The following SYNE3 variants were observed in gnomAD, a reference collection of about 807,000 sequenced individuals.
SYNE3 encodes nesprin-3.
Under a neutral mutation model 111.2 loss-of-function variants are expected in SYNE3, and 100 were observed. The ratio of observed to expected loss-of-function variants is 0.90; its 90% CI spans 0.77 to 1.06. The LOEUF (loss-of-function observed/expected upper bound fraction) is 1.06, where lower values mean the gene tolerates loss of function less well. Among genes scored for constraint, SYNE3 ranks in the 50% least tolerant of loss-of-function variants. SYNE3 has a pLI of 0.00. For missense variants in SYNE3, 1,160 were observed against 1,240.3 expected (o/e 0.94, Z 0.97); for synonymous variants, 547 against 533.9 (o/e 1.02, Z -0.34).
intron 9 of SYNE3, 137 bp downstream of exon 9, chr14:95,445,772 G>T: frequency 1.1e-6 from 1 of 914,370 alleles, no homozygotes; most frequent in Non-Finnish European, 1.7e-6. Context: ...GATGGTCAGG[G>T]ACAAAGGGAT....
chr14:95,450,905 G>T (rs764912427), intron 7 of SYNE3: 1 of 152,030 alleles, frequency 6.6e-6, no homozygotes, highest in African/African-American at 2.4e-5. Context: ...TTCCAGTAAC[G>T]GAAAAATAAT....
chr14:95,461,200 C>T (rs1193295399), intron 4 of SYNE3, among the ~76,000 whole-genome samples: 1 of 152,204 alleles, frequency 6.6e-6, no homozygotes, highest in East Asian at 1.9e-4. Flanking sequence ...GGATTTATGC[C>T]TCTGCAAAGG....
intron 7 of SYNE3, chr14:95,451,522 C>T (rs1887076702): frequency 6.6e-6 from 1 of 152,278 alleles, no homozygotes. Context: ...AGCCCGACCC[C>T]TACCTTAGCA....
intron 17 of SYNE3, among the ~76,000 whole-genome samples, chr14:95,422,741 G>T (rs1020933265): frequency 3.3e-5 from 5 of 152,212 alleles, no homozygotes; most frequent in Admixed American, 1.3e-4. Context: ...GGCATGGAGG[G>T]TGCGCCCGCC....
At chr14:95,452,450 G>A (rs1245245574) in intron 6 of SYNE3, 67 bp from the exon 7 acceptor site, 10 of 1,482,926 alleles carry the variant, frequency 6.7e-6, no homozygotes, top group African/African-American at 5.5e-5. Flanking sequence ...GTGTGTGCAG[G>A]AGGGTGAGCG....
At chr14:95,465,394 G>A (rs904082244) in intron 4 of SYNE3, among the ~76,000 whole-genome samples, 43 of 152,170 alleles carry the variant, frequency 2.8e-4, no homozygotes, top group Non-Finnish European at 5.3e-4. Context: ...TGGGTAGCTA[G>A]GTGGGTGGAT....
At chr14:95,444,775 G>T (rs1886616088) in intron 9 of SYNE3, 147 bp from the exon 10 acceptor site, 3 of 1,025,498 alleles carry the variant, frequency 2.9e-6, no homozygotes, top group South Asian at 1.9e-5. Context: ...CCTTCCCTGA[G>T]CCCTGATGGA....
In SYNE3 at chr14:95,409,099, C is replaced by T. The variant is rs750041723; in HGVS notation, c.*8727G>A. ...ACCAGCTGCCAGAGTGGCAGCAGCC[C>T]GCGGCCTGCAAAGGAAAGGAAAGCA... On this transcript the variant is annotated 3_prime_UTR_variant, in exon 18 of 18. Transcript: ENST00000682763. The T allele has an allele frequency of 6.4e-5, 29 of 451,628 alleles. No homozygotes were observed. The highest frequency in any genetic ancestry group is 9.3e-5 in the South Asian group (6 of 64,360). 28.0% of individuals were successfully genotyped at this position (451,628 alleles called of 1,614,324 possible). A position where few individuals can be genotyped will look rare whatever the true frequency, so the allele number is the denominator to read the frequency against.
chr14:95,408,895 G>A lies in SYNE3; in HGVS notation c.*8931C>T, dbSNP rs1460474827. On this transcript the variant is annotated 3_prime_UTR_variant, in exon 18 of 18. Transcript: ENST00000682763. ...TGCCCCCGCAAGGGCTGGCCTGTCC[G>A]TGCTTTTCCAGTGGGAAGGTAGACA... The A allele has an allele frequency of 2.6e-5, 9 of 347,726 alleles. No individual in the cohort carries two copies. Among genetic ancestry groups the A allele is most frequent in the African/African-American group, 1.1e-4 (5 of 46,574 alleles). 21.5% of individuals were successfully genotyped at this position (347,726 alleles called of 1,614,324 possible).
chr14:95,509,869 A>T (rs1031303433), intron 1 of SYNE3, among the ~76,000 whole-genome samples: 9 of 152,236 alleles, frequency 5.9e-5, no homozygotes, highest in Admixed American at 5.9e-4. Context: ...CACCATGAAT[A>T]TCAGTGAAAC....
chr14:95,456,364 G>A (rs996507028), intron 5 of SYNE3, among the ~76,000 whole-genome samples: 2 of 152,198 alleles, frequency 1.3e-5, no homozygotes, highest in African/African-American at 4.8e-5. Context: ...GGGAGCCCAC[G>A]TCTCCCGATG....
At chr14:95,423,087 A>T (rs1325481313) in intron 17 of SYNE3, among the ~76,000 whole-genome samples, 7 of 152,216 alleles carry the variant, frequency 4.6e-5, no homozygotes, top group Non-Finnish European at 8.8e-5. Flanking sequence ...GTGGCTGGGC[A>T]GGGGGCTGGG....
At chr14:95,463,458 C>G (rs1374455558) in intron 4 of SYNE3, among the ~76,000 whole-genome samples, 1 of 152,192 alleles carries the variant, frequency 6.6e-6, no homozygotes, top group Non-Finnish European at 1.5e-5. Flanking sequence ...GCACACACAC[C>G]AACAACTTTT....
At chr14:95,472,081 G>A (rs1455728136) in intron 2 of SYNE3, among the ~76,000 whole-genome samples, 1 of 152,252 alleles carries the variant, frequency 6.6e-6, no homozygotes, top group Non-Finnish European at 1.5e-5. Context: ...GGAGGGATGG[G>A]AGAAATCCAG....
chr14:95,499,681 C>T (rs1053242751), intron 1 of SYNE3, among the ~76,000 whole-genome samples: 1 of 152,010 alleles, frequency 6.6e-6, no homozygotes, highest in Non-Finnish European at 1.5e-5. Context: ...AGGTTAGATT[C>T]AAAGTGGCTA....
intron 2 of SYNE3, among the ~76,000 whole-genome samples, chr14:95,468,212 C>T (rs1164172763): frequency 6.6e-6 from 1 of 152,206 alleles, no homozygotes; most frequent in East Asian, 1.9e-4. Context: ...CTCTCCTTCC[C>T]CACTCGGCCC....
intron 6 of SYNE3, 102 bp from the exon 7 acceptor site, chr14:95,452,485 A>G (rs2139429639): frequency 7.2e-7 from 1 of 1,387,054 alleles, no homozygotes; most frequent in African/African-American, 1.4e-5. Context: ...GGGCTAGGCT[A>G]GGAAGAAACT....
chr14:95,454,427 C>G (rs1453659295), intron 6 of SYNE3, among the ~76,000 whole-genome samples: 2 of 152,262 alleles, frequency 1.3e-5, no homozygotes, highest in African/African-American at 4.8e-5. Flanking sequence ...CCGAAAGCCA[C>G]TCAGTTAGCA....
At chr14:95,476,426 C>T (rs1171973709) in intron 1 of SYNE3, among the ~76,000 whole-genome samples, 1 of 152,238 alleles carries the variant, frequency 6.6e-6, no homozygotes, top group Admixed American at 6.5e-5. Context: ...CTGACCTCTG[C>T]GCAGCACTCC....
Sources: allele counts gnomAD v4.1 joint callset (sites outside exome capture counted in the v4.1 genomes callset), GRCh38; gene constraint gnomAD v4.1.1; transcripts MANE v1.5; gene names NCBI Gene and HGNC (gene_info 2026-07-23, HGNC 2026-07-21).